PHLDB2: variants seen among roughly 807,000 people sequenced by gnomAD.
The protein encoded by PHLDB2 is pleckstrin homology-like domain family B member 2.
Under a neutral mutation model 123.6 loss-of-function variants are expected in PHLDB2, and 71 were observed. The ratio of observed to expected loss-of-function variants is 0.57; its 90% confidence interval spans 0.47 to 0.70. The LOEUF (loss-of-function observed/expected upper bound fraction) is 0.70, where lower values mean the gene tolerates loss of function less well. Ranked by LOEUF, PHLDB2 falls within the 30% of genes least tolerant of loss-of-function variation. The pLI is 0.00. For synonymous variants in PHLDB2, 547 were observed against 541.6 expected (o/e 1.01, Z -0.14); for missense variants, 1,446 against 1,519.5 (o/e 0.95, Z 0.80).
chr3:111,829,902 T>C (rs975725779), intron 1 of PHLDB2, among the ~76,000 whole-genome samples: 5 of 150,594 alleles, frequency 3.3e-5, no homozygotes, highest in African/African-American at 1.2e-4. Context: ...CATTTTCTTA[T>C]CACCAAACTG....
In PHLDB2 at chr3:111,884,142, CTG is replaced by C. The variant is rs764903717; in HGVS notation, c.68_69del (p.Val23GlyfsTer5). ...CAAAATGGTAGCTTAGAGGAAGACT[CTG>C]TGGTGCATTCTGTTGAGAACGATTC... is the stretch of plus-strand genomic sequence containing the variant. On this transcript the variant is annotated frameshift_variant, in exon 2 of 18. Transcript: ENST00000431670. LOFTEE classifies it high-confidence loss of function. 2 of 1,614,142 alleles carry C rather than the reference CTG, an allele frequency of 1.2e-6. No homozygotes were observed. Among genetic ancestry groups the C allele is most frequent in the South Asian group, 1.1e-5 (1 of 91,088 alleles).
At chr3:111,891,388 T>C (rs1323558448) in intron 2 of PHLDB2, among the ~76,000 whole-genome samples, 1 of 152,024 alleles carries the variant, frequency 6.6e-6, no homozygotes, top group Non-Finnish European at 1.5e-5. Flanking sequence ...CAAAAGAGCA[T>C]GAACACTATT....
chr3:111,831,206 C>A (rs2063019466), intron 1 of PHLDB2, among the ~76,000 whole-genome samples: 1 of 152,132 alleles, frequency 6.6e-6, no homozygotes, highest in Admixed American at 6.5e-5. Context: ...TTAGGGACTT[C>A]TGCAAATCAC....
chr3:111,807,845 T>C (rs2108311008), intron 1 of PHLDB2, among the ~76,000 whole-genome samples: 1 of 152,260 alleles, frequency 6.6e-6, no homozygotes, highest in African/African-American at 2.4e-5. Flanking sequence ...CTCACAGATT[T>C]AAGACAGTGC....
intron 2 of PHLDB2, 104 bp downstream of exon 2, chr3:111,885,516 C>G (rs1291844095): frequency 7.1e-7 from 1 of 1,405,904 alleles, no homozygotes. Flanking sequence ...ATAGGATATT[C>G]ATGTTCACTA....
chr3:111,913,247 T>C (rs2067989747), intron 2 of PHLDB2, 72 bp from the exon 3 acceptor site: 2 of 1,474,374 alleles, frequency 1.4e-6, no homozygotes, highest in East Asian at 2.3e-5. Flanking sequence ...TCCCAGCCTC[T>C]TCAGTCTTTT....
At chr3:111,772,545 T>C (rs1319882129) in intron 1 of PHLDB2, among the ~76,000 whole-genome samples, 1 of 152,176 alleles carries the variant, frequency 6.6e-6, no homozygotes, top group Non-Finnish European at 1.5e-5. Flanking sequence ...GTCCCTGAAC[T>C]CAGAAATGCC....
chr3:111,936,857 A>G (rs1386365499), intron 6 of PHLDB2, among the ~76,000 whole-genome samples: 1 of 152,216 alleles, frequency 6.6e-6, no homozygotes, highest in African/African-American at 2.4e-5. Flanking sequence ...AAGACCTTAT[A>G]AACTTGAGTG....
chr3:111,933,580 TTAACCA>T (rs1262417514), intron 6 of PHLDB2, among the ~76,000 whole-genome samples: 1 of 152,238 alleles, frequency 6.6e-6, no homozygotes, highest in African/African-American at 2.4e-5. Context: ...AAAGAAAGTT[TTAACCA>T]TATGTCTTCC....
chr3:111,830,990 AAAG>A (rs2062973514), intron 1 of PHLDB2, among the ~76,000 whole-genome samples: 1 of 78,236 alleles, frequency 1.3e-5, no homozygotes, highest in Non-Finnish European at 2.3e-5. Flanking sequence ...AGAAAGAAAG[AAAG>A]AAAGAAAGAA....
At chr3:111,752,189 C>A (rs1001149693) in intron 1 of PHLDB2, among the ~76,000 whole-genome samples, 1 of 151,446 alleles carries the variant, frequency 6.6e-6, no homozygotes, top group Non-Finnish European at 1.5e-5. Flanking sequence ...ATGCTTCTCT[C>A]CGCATTTCTC....
At chr3:111,906,688 A>G (rs1298817082) in intron 2 of PHLDB2, among the ~76,000 whole-genome samples, 1 of 152,156 alleles carries the variant, frequency 6.6e-6, no homozygotes, top group Non-Finnish European at 1.5e-5. Context: ...GTTATCTATT[A>G]TTCTTTGGGA....
intron 1 of PHLDB2, among the ~76,000 whole-genome samples, chr3:111,820,571 A>G (rs1020341886): frequency 6.6e-6 from 1 of 152,216 alleles, no homozygotes; most frequent in Non-Finnish European, 1.5e-5. Context: ...CTAGCCCACA[A>G]CTATAAGTTC....
intron 1 of PHLDB2, among the ~76,000 whole-genome samples, chr3:111,766,377 A>C (rs1018438958): frequency 7.4e-5 from 11 of 148,872 alleles, no homozygotes; most frequent in African/African-American, 2.7e-4. Flanking sequence ...CAGAAGGCAG[A>C]GGTTGCAGTG....
At position 111,885,400 on chromosome 3, in the gene PHLDB2, A is replaced by G; in HGVS notation, c.1323A>G (p.Glu441=). ...GGGAGGAAAGACTCAGGGAGCAGGA[A>G]ATGGAGCGATTGGTAATCTTCATCT... ...RQREERLREQ[E]MERLERQRLE... The change falls in exon 2 of 18, where the codon GAA becomes GAG. Residue 441 remains glutamate (E), a synonymous_variant. Coordinates refer to ENST00000431670, the MANE Select transcript of PHLDB2 (RefSeq NM_001134438.2). 6.2e-7 allele frequency: 1 copy of G among 1,614,136 alleles called. No individual in the cohort carries two copies. Among genetic ancestry groups the G allele is most frequent in the Non-Finnish European group, 8.5e-7 (1 of 1,180,030 alleles).
At chr3:111,819,303 T>C (rs2062254015) in intron 1 of PHLDB2, among the ~76,000 whole-genome samples, 1 of 152,192 alleles carries the variant, frequency 6.6e-6, no homozygotes, top group African/African-American at 2.4e-5. Context: ...CATCCTAGTT[T>C]ACAACGACAA....
At chr3:111,751,810 C>T (rs2059781590) in intron 1 of PHLDB2, among the ~76,000 whole-genome samples, 1 of 151,832 alleles carries the variant, frequency 6.6e-6, no homozygotes, top group Non-Finnish European at 1.5e-5. Context: ...GCACCTTGTG[C>T]ACATGTACCC....
intron 1 of PHLDB2, among the ~76,000 whole-genome samples, chr3:111,756,141 G>C (rs1255251017): frequency 6.6e-6 from 1 of 152,044 alleles, no homozygotes; most frequent in Non-Finnish European, 1.5e-5. Context: ...TTGATTTGGG[G>C]TGGAGAGTTC....
At chr3:111,934,432 T>G (rs974332750) in intron 6 of PHLDB2, among the ~76,000 whole-genome samples, 1 of 152,212 alleles carries the variant, frequency 6.6e-6, no homozygotes, top group African/African-American at 2.4e-5. Flanking sequence ...TAAACTAGAT[T>G]TAATAAAGTT....
Sources: allele counts gnomAD v4.1 joint callset (sites outside exome capture counted in the v4.1 genomes callset), GRCh38; gene constraint gnomAD v4.1.1; transcripts MANE v1.5; gene names NCBI Gene and HGNC (gene_info 2026-07-23, HGNC 2026-07-21).